MAST2: variants seen among roughly 807,000 people sequenced by gnomAD.
MAST2 encodes microtubule-associated serine/threonine-protein kinase 2.
A neutral mutation model predicts 147.4 loss-of-function variants in MAST2; 70 were observed. That is an observed-to-expected ratio of 0.47 (90% CI 0.39 to 0.58). The LOEUF is 0.58. Ranked by LOEUF, MAST2 falls within the 20% of genes least tolerant of loss-of-function variation. The pLI is 0.00. For missense variants in MAST2, 2,080 were observed against 2,302.3 expected, an observed-to-expected ratio of 0.90 and a Z score of 1.98; for synonymous variants, 869 against 896.8, an observed-to-expected ratio of 0.97 and a Z score of 0.55.
chr1:45,875,315 G>A (rs1303472873), intron 3 of MAST2, among the ~76,000 whole-genome samples: 8 of 151,940 alleles, frequency 5.3e-5, no homozygotes, highest in South Asian at 2.1e-4. Flanking sequence ...ACGTGGTGGC[G>A]CATGCCTGTA....
At chr1:45,952,401 A>G (rs1042423949) in intron 4 of MAST2, among the ~76,000 whole-genome samples, 3 of 152,176 alleles carry the variant, frequency 2.0e-5, no homozygotes, top group Admixed American at 1.3e-4. Context: ...ATGACTGCTA[A>G]TGGGTACAAG....
chr1:45,904,141 T>C (rs988365761), intron 4 of MAST2, among the ~76,000 whole-genome samples: 2 of 151,834 alleles, frequency 1.3e-5, no homozygotes, highest in Non-Finnish European at 2.9e-5. Flanking sequence ...GCTGGGACTA[T>C]AGGTGTGTGC....
intron 3 of MAST2, among the ~76,000 whole-genome samples, chr1:45,831,293 C>T (rs1047582543): frequency 1.3e-5 from 2 of 151,848 alleles, no homozygotes; most frequent in Middle Eastern, 3.2e-3. Context: ...CTATTAAAGT[C>T]TCATCTACAC....
intron 5 of MAST2, among the ~76,000 whole-genome samples, chr1:45,981,904 G>A (rs1022095697): frequency 6.8e-6 from 1 of 148,078 alleles, no homozygotes; most frequent in Non-Finnish European, 1.5e-5. Flanking sequence ...GCAGTGGTAT[G>A]ATCTCAGCTC....
chr1:46,014,132 T>A (rs1645831049), intron 10 of MAST2, among the ~76,000 whole-genome samples: 1 of 152,056 alleles, frequency 6.6e-6, no homozygotes, highest in Non-Finnish European at 1.5e-5. Flanking sequence ...ATCTTCGTTT[T>A]CATTGATTTT....
chr1:45,811,094 A>T (rs959598590), intron 1 of MAST2, among the ~76,000 whole-genome samples: 2 of 150,574 alleles, frequency 1.3e-5, no homozygotes, highest in Non-Finnish European at 2.9e-5. Context: ...CAAGTGATCC[A>T]CCTGGCTCGG....
intron 5 of MAST2, among the ~76,000 whole-genome samples, chr1:45,979,974 G>A (rs1240754216): frequency 3.9e-5 from 6 of 152,174 alleles, no homozygotes; most frequent in Admixed American, 2.6e-4. Flanking sequence ...GCTAAACAGC[G>A]GGTTACTCAT....
intron 4 of MAST2, among the ~76,000 whole-genome samples, chr1:45,945,534 A>G (rs1274670734): frequency 6.6e-6 from 1 of 152,170 alleles, no homozygotes; most frequent in Non-Finnish European, 1.5e-5. Flanking sequence ...TGCTATGGAA[A>G]TTTGGGCACA....
chr1:45,820,909 T>C (rs1190366895), intron 1 of MAST2, among the ~76,000 whole-genome samples: 6 of 141,578 alleles, frequency 4.2e-5, no homozygotes, highest in African/African-American at 1.6e-4. Flanking sequence ...TTTTTTTTTT[T>C]TTTTTTTTGA....
intron 1 of MAST2, among the ~76,000 whole-genome samples, chr1:45,821,680 A>G (rs1435751640): frequency 1.3e-5 from 2 of 149,274 alleles, no homozygotes; most frequent in Non-Finnish European, 3.0e-5. Flanking sequence ...CCACCACGCC[A>G]GCTGATTTTT....
At chr1:45,873,040 TAA>T (rs1432515085) in intron 3 of MAST2, among the ~76,000 whole-genome samples, 1 of 152,152 alleles carries the variant, frequency 6.6e-6, no homozygotes, top group Admixed American at 6.5e-5. Flanking sequence ...TGGAGACTGT[TAA>T]AACAATATAC....
At chr1:45,879,979 T>C (rs1646773960) in intron 3 of MAST2, among the ~76,000 whole-genome samples, 1 of 152,198 alleles carries the variant, frequency 6.6e-6, no homozygotes, top group Admixed American at 6.5e-5. Flanking sequence ...TTAGCTAGGA[T>C]GTGAAGCAGT....
chr1:45,894,812 T>C (rs766019280), intron 4 of MAST2, among the ~76,000 whole-genome samples: 3 of 152,312 alleles, frequency 2.0e-5, no homozygotes, highest in Admixed American at 2.0e-4. Context: ...AATTTGATAA[T>C]GAGTACTAAG....
chr1:46,034,253 T>C lies in MAST2; in HGVS notation c.3855T>C (p.Asp1285=), dbSNP rs762382687. ...SPTQGYRVTP[D]AVHSVGGNSS... is the part of the protein sequence containing the mutation. The stretch of plus-strand genomic sequence containing the variant: ...CTCAAGGCTACCGGGTGACCCCCGA[T>C]GCTGTGCATTCAGGTACGAAGGGCT... The change falls in exon 28 of 29, where the codon GAT becomes GAC. Residue 1285 remains aspartate (D), a synonymous_variant. Coordinates refer to ENST00000361297, the MANE Select transcript of MAST2 (RefSeq NM_015112.3). 9 of 1,613,026 alleles carry C rather than the reference T, an allele frequency of 5.6e-6. No individual in the cohort carries two copies. Among genetic ancestry groups the C allele is most frequent in the Non-Finnish European group, 4.2e-6 (5 of 1,179,420 alleles).
chr1:45,902,646 G>C (rs1266299031), intron 4 of MAST2, among the ~76,000 whole-genome samples: 1 of 151,328 alleles, frequency 6.6e-6, no homozygotes, highest in Non-Finnish European at 1.5e-5. Flanking sequence ...TTAAATTACT[G>C]ATTCAGTTTT....
At chr1:45,828,109 G>C (rs1424691023) in intron 2 of MAST2, among the ~76,000 whole-genome samples, 1 of 152,138 alleles carries the variant, frequency 6.6e-6, no homozygotes, top group Non-Finnish European at 1.5e-5. Flanking sequence ...GGGATTACAT[G>C]TGTGAGCCAC....
At chr1:45,957,681 G>A (rs1659843779) in intron 4 of MAST2, among the ~76,000 whole-genome samples, 1 of 152,036 alleles carries the variant, frequency 6.6e-6, no homozygotes, top group South Asian at 2.1e-4. Flanking sequence ...AAGGGGTATT[G>A]GAGGTTTAAG....
intron 3 of MAST2, among the ~76,000 whole-genome samples, chr1:45,841,323 A>G (rs560733700): frequency 1.3e-5 from 2 of 152,242 alleles, no homozygotes; most frequent in South Asian, 4.1e-4. Context: ...ATTTAACAAT[A>G]TGAACAAAAT....
intron 4 of MAST2, among the ~76,000 whole-genome samples, chr1:45,888,584 G>T (rs960511273): frequency 2.7e-5 from 4 of 148,306 alleles, no homozygotes; most frequent in African/African-American, 7.5e-5. Flanking sequence ...GTATGGTCTC[G>T]ATCTGCTGAA....
Sources: allele counts gnomAD v4.1 joint callset (sites outside exome capture counted in the v4.1 genomes callset), GRCh38; gene constraint gnomAD v4.1.1; transcripts MANE v1.5; gene names NCBI Gene and HGNC (gene_info 2026-07-23, HGNC 2026-07-21).